ULK2: variants seen among roughly 807,000 people sequenced by gnomAD.
ULK2 encodes serine/threonine-protein kinase ULK2.
In ULK2, 76 loss-of-function variants were observed where a neutral mutation model predicts 127.5. The ratio of observed to expected loss-of-function variants is 0.60; its 90% CI spans 0.50 to 0.72. ULK2 has a LOEUF of 0.72. ULK2 is among the 30% of genes least tolerant of loss of function. ULK2 has a pLI of 0.00. For missense variants in ULK2, 1,144 were observed against 1,295.9 expected, an observed-to-expected ratio of 0.88 and a Z score of 1.80; for synonymous variants, 452 against 461.9, an observed-to-expected ratio of 0.98 and a Z score of 0.28.
In ULK2 at chr17:19,846,759, G is replaced by T; in HGVS notation, c.447C>A (p.Val149=). 1 of 1,610,242 alleles carries T rather than the reference G, an allele frequency of 6.2e-7. No individual in the cohort carries two copies. The highest frequency in any genetic ancestry group is 1.1e-5 in the South Asian group (1 of 89,944). ...TACCTATTTTGATGCGAATACCACT[G>T]ACACTTGATTTTCTGCGATTGGCAT... ...LSYANRRKSS[V]SGIRIKIADF... is the part of the protein sequence containing the mutation. The change falls in exon 6 of 27, where the codon GTC becomes GTA. Residue 149 remains valine (V), a synonymous_variant. Coordinates refer to ENST00000395544, the MANE Select transcript of ULK2 (RefSeq NM_014683.4).
intron 7 of ULK2, among the ~76,000 whole-genome samples, chr17:19,844,429 C>T (rs116164470): frequency 3.0e-4 from 46 of 152,246 alleles, no homozygotes; most frequent in African/African-American, 1.1e-3. Context: ...CCAGCTCAGG[C>T]ATAACATTTT....
intron 15 of ULK2, among the ~76,000 whole-genome samples, chr17:19,804,059 A>C (rs941589731): frequency 2.0e-5 from 3 of 151,980 alleles, no homozygotes; most frequent in Admixed American, 6.6e-5. Context: ...AAATTTACTG[A>C]ACTCTCTCTC....
Position 19,783,763 on chromosome 17 carries a change from T to C in ULK2, c.2394A>G (p.Ser798=). 6.3e-7 allele frequency: 1 copy of C among 1,599,874 alleles called. No individual in the cohort carries two copies. Among genetic ancestry groups the C allele is most frequent in the Non-Finnish European group, 8.5e-7 (1 of 1,172,812 alleles). The change falls in exon 22 of 27, where the codon TCA becomes TCG. Residue 798 remains serine, a synonymous_variant. Coordinates refer to ENST00000395544, the MANE Select transcript of ULK2 (RefSeq NM_014683.4). ...TGATGAGCCCCTCTAGGCTGGGGGG[T>C]GAAGCACCGTAAGGCACGTATCTCA... is the stretch of plus-strand genomic sequence containing the variant. ...PSLRYVPYGA[S]PPSLEGLITF...
At chr17:19,814,398 C>CTG (rs2040915091) in intron 13 of ULK2, among the ~76,000 whole-genome samples, 1 of 112,016 alleles carries the variant, frequency 8.9e-6, no homozygotes, top group Admixed American at 9.8e-5. Context: ...ACAAGAATGT[C>CTG]TGTTATTATA....
At chr17:19,833,319 G>A (rs1473481356) in intron 10 of ULK2, among the ~76,000 whole-genome samples, 2 of 151,932 alleles carry the variant, frequency 1.3e-5, no homozygotes, top group Non-Finnish European at 2.9e-5. Context: ...TCGTGAGGGG[G>A]CCAAATGTTG....
At chr17:19,796,718 G>GTCCCCTAGCCCGC (rs1385588857) in intron 18 of ULK2, among the ~76,000 whole-genome samples, 2 of 152,094 alleles carry the variant, frequency 1.3e-5, no homozygotes, top group African/African-American at 4.8e-5. Flanking sequence ...GAACGGCCCG[G>GTCCCCTAGCCCGC]TCCCCTAGCC....
intron 9 of ULK2, among the ~76,000 whole-genome samples, chr17:19,841,205 T>C (rs942576050): frequency 5.9e-5 from 9 of 152,178 alleles, no homozygotes; most frequent in African/African-American, 2.2e-4. Context: ...CTTCCTACTT[T>C]ATGCGTATCT....
intron 3 of ULK2, among the ~76,000 whole-genome samples, chr17:19,854,905 C>T (rs2042091586): frequency 6.6e-6 from 1 of 151,368 alleles, no homozygotes; most frequent in Non-Finnish European, 1.5e-5. Flanking sequence ...TCAAGACCAG[C>T]CTGGCCAAGA....
intron 3 of ULK2, among the ~76,000 whole-genome samples, chr17:19,862,432 C>T (rs1277354049): frequency 6.6e-6 from 1 of 151,718 alleles, no homozygotes; most frequent in African/African-American, 2.4e-5. Flanking sequence ...AGTTTAGTTA[C>T]TTTGTGTTAT....
Position 19,807,934 on chromosome 17 carries a change from G to A in ULK2, c.1157+2444C>T, listed in dbSNP as rs190138731. Among the ~76,000 whole-genome samples the A allele has an allele frequency of 4.4e-3, 673 of 152,024 alleles. 2 individuals carry two copies. The highest frequency in any genetic ancestry group is 0.02 in the South Asian group (94 of 4,816). ...AGCCTGACCAACATGGCGAAACCCC[G>A]TCTCTACTAAAAATACAAAAAATTA... On this transcript the variant is annotated intron_variant, in intron 14 of 26. Coordinates refer to ENST00000395544, the MANE Select transcript of ULK2 (RefSeq NM_014683.4).
At chr17:19,827,685 G>A (rs188967249) in intron 10 of ULK2, among the ~76,000 whole-genome samples, 1 of 152,280 alleles carries the variant, frequency 6.6e-6, no homozygotes, top group East Asian at 1.9e-4. Flanking sequence ...GCAGAGGTAG[G>A]TAGATCACCT....
At chr17:19,827,090 G>T (rs1195435780) in intron 10 of ULK2, among the ~76,000 whole-genome samples, 2 of 152,070 alleles carry the variant, frequency 1.3e-5, no homozygotes, top group Non-Finnish European at 2.9e-5. Context: ...TCCCTAATAG[G>T]TATAAATATT....
chr17:19,840,431 TTG>T (rs2041716815), intron 9 of ULK2: 1 of 485,254 alleles, frequency 2.1e-6, no homozygotes, highest in Non-Finnish European at 4.0e-6. Context: ...TCTTCTGGTA[TTG>T]TGTTTTCAAA....
At chr17:19,797,147 A>C (rs2087288580) in intron 18 of ULK2, among the ~76,000 whole-genome samples, 1 of 152,060 alleles carries the variant, frequency 6.6e-6, no homozygotes, top group Non-Finnish European at 1.5e-5. Flanking sequence ...TACAAAAAAA[A>C]TTAGCTGGGC....
chr17:19,797,563 C>T lies in ULK2; in HGVS notation c.1642G>A (p.Asp548Asn). Residue 548 changes from aspartate (D) to asparagine (N), a missense_variant, in exon 18 of 27, where the codon GAC becomes AAC. Asp to Asn is a conservative substitution (Grantham distance 23). Around this residue, in one of 2 missense-constraint regions of ULK2, gnomAD observed 913 missense variants for 970.5 expected, o/e 0.94. Coordinates refer to ENST00000395544, the MANE Select transcript of ULK2 (RefSeq NM_014683.4). The part of the protein sequence containing the change: ...NKQKLRKQHS[D>N]PVCPSHTGAG... ...CCAGTATGGGATGGGCACACGGGGT[C>T]AGAGTGCTGTTTTCTGAGCTTCTGC... 6.2e-7 allele frequency: 1 copy of T among 1,613,798 alleles called. No individual in the cohort carries two copies.
At chr17:19,853,278 G>C (rs1416487475) in intron 3 of ULK2, among the ~76,000 whole-genome samples, 1 of 151,740 alleles carries the variant, frequency 6.6e-6, no homozygotes, top group East Asian at 1.9e-4. Flanking sequence ...TAGGACCACA[G>C]GTGTGCACCA....
rs1056318808 is a variant in ULK2 at position 19,802,585 on chromosome 17, C to T, written c.1296-663G>A. Reference sequence around the variant, plus strand: ...TCTGCATTCAATCTGTTGTAAGATACGTTATTTTGAGTGAAGAATATGAAG... The same window carrying T: ...TCTGCATTCAATCTGTTGTAAGATATGTTATTTTGAGTGAAGAATATGAAG... On this transcript the variant is annotated intron_variant, in intron 15 of 26. Coordinates refer to ENST00000395544, the MANE Select transcript of ULK2 (RefSeq NM_014683.4). Among the ~76,000 whole-genome samples the T allele has an allele frequency of 1.1e-4, 16 of 152,110 alleles. 1 individual carries two copies. Among genetic ancestry groups the T allele is most frequent in the Admixed American group, 7.2e-4 (11 of 15,270 alleles).
chr17:19,816,536 A>T, intron 13 of ULK2: 1 of 352,404 alleles, frequency 2.8e-6, no homozygotes, highest in Non-Finnish European at 5.0e-6. Flanking sequence ...TAAAGTTTTC[A>T]TGTACCTTCA....
At chr17:19,838,605 A>G (rs1334693005) in intron 9 of ULK2, 22 bp from the exon 10 acceptor site, 3 of 1,594,076 alleles carry the variant, frequency 1.9e-6, no homozygotes, top group Non-Finnish European at 2.6e-6. Context: ...GAAAAACACA[A>G]CCACCTAAGT....
Sources: gnomAD v4.1 joint callset for allele counts (sites outside exome capture counted in the v4.1 genomes callset) on GRCh38, gnomAD v4.1.1 for gene constraint, gnomAD v4.1.1 regional missense constraint, MANE v1.5 for transcripts, NCBI Gene and HGNC (gene_info 2026-07-23, HGNC 2026-07-21) for gene names.